The following RTTN variants were observed in gnomAD, a reference collection of about 807,000 sequenced individuals.
RTTN encodes rotatin.
A neutral mutation model predicts 269.2 loss-of-function variants in RTTN; 182 were observed. That is an observed-to-expected ratio of 0.68 (90% CI 0.60 to 0.76). RTTN has a LOEUF of 0.76. RTTN is among the 30% of genes least tolerant of loss of function. RTTN has a pLI of 0.00. For synonymous variants in RTTN, 1,006 were observed against 963.5 expected, an observed-to-expected ratio of 1.04 and a Z score of -0.82; for missense variants, 2,545 against 2,608.6, an observed-to-expected ratio of 0.98 and a Z score of 0.53.
intron 11 of RTTN, among the ~76,000 whole-genome samples, chr18:70,173,885 G>A (rs1407017484): frequency 3.3e-5 from 5 of 152,200 alleles, no homozygotes; most frequent in Non-Finnish European, 7.3e-5. Context: ...CAATAGTTAT[G>A]AACCTCAAGA....
chr18:70,132,398 G>C (rs1350589941), intron 23 of RTTN, among the ~76,000 whole-genome samples: 1 of 151,804 alleles, frequency 6.6e-6, no homozygotes, highest in Non-Finnish European at 1.5e-5. Context: ...CATATGCTGG[G>C]CCATAAAGTA....
chr18:70,026,722 T>C (rs952374602), intron 43 of RTTN, among the ~76,000 whole-genome samples: 2 of 152,288 alleles, frequency 1.3e-5, no homozygotes, highest in Admixed American at 1.3e-4. Flanking sequence ...CTCTTAAATG[T>C]TCCTGTTTTC....
chr18:70,093,281 T>C lies in RTTN; in HGVS notation c.3904-477A>G, dbSNP rs116688573. ...CTGTAAAAAAAAAAAAAAAGATGTGTGGTGCCCTCCTAGTACACAGTTGTA... is the reference window on the plus strand; with the variant it reads ...CTGTAAAAAAAAAAAAAAAGATGTGCGGTGCCCTCCTAGTACACAGTTGTA... On this transcript the variant is annotated intron_variant, in intron 28 of 48. Transcript: ENST00000640769. Among the ~76,000 whole-genome samples the C allele has an allele frequency of 5.1e-3, 765 of 151,372 alleles. 8 individuals are homozygous for C. The highest frequency in any genetic ancestry group is 0.017 in the African/African-American group (718 of 41,368).
rs1202980110 is a variant in RTTN, at chr18:70,030,123, T to C, written c.5648-14A>G. 6.5e-7 allele frequency: 1 copy of C among 1,536,896 alleles called. No homozygotes were observed. The highest frequency in any genetic ancestry group is 9.0e-7 in the Non-Finnish European group (1 of 1,113,248). ...CTATAAGATTGGCTGAAAGACAAAA[T>C]CTGCAGTAGTCAAAAGGATATTCTA... On this transcript the variant is annotated splice_polypyrimidine_tract_variant and intron_variant, in intron 41 of 48. Transcript: ENST00000640769.
chr18:70,197,026 G>A (rs117758862), intron 6 of RTTN, among the ~76,000 whole-genome samples: 1,878 of 152,226 alleles, frequency 0.012, 23 homozygotes, highest in South Asian at 0.037. Flanking sequence ...CCACATTTTA[G>A]TAATTAACAG....
In RTTN at chr18:70,048,213, A is replaced by C. The variant is rs186663449; in HGVS notation, c.5324-25T>G. The C allele has an allele frequency of 2.0e-5, 31 of 1,580,740 alleles. No individual in the cohort carries two copies. In the East Asian group the frequency reaches 6.5e-4, roughly 33 times the overall value. On this transcript the variant is annotated intron_variant, in intron 39 of 48. Transcript: ENST00000640769. ...TCTAAAGGAATAATTTCAGATGTGA[A>C]TGTTTGAAAATTTCTTCAAAATTCA... is the stretch of plus-strand genomic sequence containing the variant.
intron 35 of RTTN, among the ~76,000 whole-genome samples, chr18:70,065,267 A>AT (rs1311685824): frequency 1.4e-5 from 1 of 70,576 alleles, no homozygotes; most frequent in African/African-American, 3.0e-5. Flanking sequence ...ACTCTCTAGA[A>AT]TTTAAAAAAA....
In RTTN at chr18:70,004,111, T is replaced by C. The variant is rs976500513; in HGVS notation, c.*40A>G. 1 of 1,512,512 alleles carries C rather than the reference T, an allele frequency of 6.6e-7. No homozygotes were observed. The highest frequency in any genetic ancestry group is 9.2e-7 in the Non-Finnish European group (1 of 1,088,186). The allele number at this position is 1,512,512 out of a possible 1,614,324, so 93.7% of individuals were successfully genotyped here. ...GCTGGCTTCAACTTTAGCTCCCCTG[T>C]TGATGACTGTCAGCTTCAAGGTGTA... On this transcript the variant is annotated 3_prime_UTR_variant, in exon 49 of 49. Transcript: ENST00000640769.
intron 25 of RTTN, among the ~76,000 whole-genome samples, chr18:70,122,679 T>C (rs2059769060): frequency 6.6e-6 from 1 of 152,196 alleles, no homozygotes; most frequent in African/African-American, 2.4e-5. Flanking sequence ...ACCAGGGATA[T>C]ATAATGCTGT....
At position 70,017,686 on chromosome 18, in the gene RTTN, TAGAG is replaced by T. The variant is rs765143937; in HGVS notation, c.6154-16_6154-13del. ...TGTAAGAAGTTACTCTGTGGATAAA[TAGAG>T]AGAATATTATTTTCTTCTCATCTTT... On this transcript the variant is annotated splice_polypyrimidine_tract_variant and intron_variant, in intron 45 of 48. Transcript: ENST00000640769. 3.8e-6 allele frequency: 6 copies of T among 1,591,662 alleles called. No homozygotes were observed. In the African/African-American group the frequency reaches 8.1e-5, roughly 22 times the overall value.
intron 14 of RTTN, among the ~76,000 whole-genome samples, chr18:70,163,069 TAAAAAAAAA>T (rs10559303): frequency 0.021 from 1,205 of 57,040 alleles, 33 homozygotes; most frequent in African/African-American, 0.078. Context: ...TTACTATTAT[TAAAAAAAAA>T]AAAAAAAAAA....
At chr18:70,159,526 G>A (rs779570025) in intron 14 of RTTN, among the ~76,000 whole-genome samples, 5 of 152,192 alleles carry the variant, frequency 3.3e-5, no homozygotes, top group Admixed American at 6.5e-5. Flanking sequence ...CACACTTAGA[G>A]GAACTAGAAA....
intron 32 of RTTN, among the ~76,000 whole-genome samples, chr18:70,080,700 T>A (rs1035261776): frequency 3.9e-5 from 6 of 152,096 alleles, no homozygotes; most frequent in Non-Finnish European, 7.4e-5. Context: ...ATGAATGGAA[T>A]TTAAAACTAG....
chr18:70,022,557 TA>T (rs2056736502), intron 44 of RTTN, among the ~76,000 whole-genome samples: 1 of 152,212 alleles, frequency 6.6e-6, no homozygotes, highest in Non-Finnish European at 1.5e-5. Context: ...TTTGTCCTCT[TA>T]AGAGTAGTAC....
intron 5 of RTTN, 123 bp from the exon 6 acceptor site, chr18:70,197,861 GA>G: frequency 3.2e-6 from 2 of 634,392 alleles, no homozygotes; most frequent in South Asian, 1.9e-5. Flanking sequence ...CACTTCTCCA[GA>G]AAAGCCTTCC....
chr18:70,192,705 T>C (rs2061704506), intron 8 of RTTN, among the ~76,000 whole-genome samples: 1 of 151,586 alleles, frequency 6.6e-6, no homozygotes, highest in Non-Finnish European at 1.5e-5. Context: ...AAATCTGTAT[T>C]TACACAAACA....
chr18:70,018,705 A>G (rs1203104033), intron 45 of RTTN, among the ~76,000 whole-genome samples: 3 of 152,068 alleles, frequency 2.0e-5, no homozygotes, highest in Admixed American at 6.6e-5. Context: ...ATGTGCTGTC[A>G]CTCACACCTA....
Position 70,109,570 on chromosome 18 carries a change from C to A in RTTN, c.3831G>T (p.Pro1277=). The stretch of plus-strand genomic sequence containing the variant: ...TGAGAGGAGAGTGTGAGCTCCATCC[C>A]GGAAACGCAGTGAGGTTAGCCATCC... ...LRGMANLTAF[P]GWSSHSPLTK... The change falls in exon 28 of 49, where the codon CCG becomes CCT. Residue 1277 remains proline, a synonymous_variant. Coordinates refer to ENST00000640769, the MANE Select transcript of RTTN (RefSeq NM_173630.4). 1 of 1,613,922 alleles carries A rather than the reference C, an allele frequency of 6.2e-7. No individual in the cohort carries two copies. Among genetic ancestry groups the A allele is most frequent in the East Asian group, 2.2e-5 (1 of 44,862 alleles).
chr18:70,175,045 C>CAAAAAAAAAAAAAAAAAA (rs5825998), intron 11 of RTTN, among the ~76,000 whole-genome samples: 2 of 86,828 alleles, frequency 2.3e-5, no homozygotes, highest in African/African-American at 4.6e-5. Context: ...AAACCAAAAC[C>CAAAAAAAAAAAAAAAAAA]AAAAAAAAAA....
Sources: allele counts gnomAD v4.1 joint callset (sites outside exome capture counted in the v4.1 genomes callset), GRCh38; gene constraint gnomAD v4.1.1; transcripts MANE v1.5; gene names NCBI Gene and HGNC (gene_info 2026-07-23, HGNC 2026-07-21).